The following XIRP2 variants were observed in gnomAD, a reference collection of about 807,000 sequenced individuals.
XIRP2 encodes the protein xin actin binding repeat containing 2.
A neutral mutation model predicts 277.0 loss-of-function variants in XIRP2; 236 were observed. That is an observed-to-expected ratio of 0.85 (90% CI 0.77 to 0.95). The LOEUF is 0.95. XIRP2 is among the 40% of genes least tolerant of loss of function. XIRP2 has a pLI of 0.00. For synonymous variants in XIRP2, 1,490 were observed against 1,416.5 expected (o/e 1.05, Z -1.17); for missense variants, 4,640 against 4,157.5 (o/e 1.12, Z -3.19).
chr2:167,067,088 T>G (rs1395792032), intron 2 of XIRP2, among the ~76,000 whole-genome samples: 2 of 152,084 alleles, frequency 1.3e-5, no homozygotes, highest in Non-Finnish European at 1.5e-5. Context: ...TTTGAAAATT[T>G]AGATATTTTT....
At chr2:166,932,248 C>T (rs1685363021) in intron 2 of XIRP2, among the ~76,000 whole-genome samples, 1 of 150,480 alleles carries the variant, frequency 6.6e-6, no homozygotes, top group Non-Finnish European at 1.5e-5. Flanking sequence ...ACAGTGTCTT[C>T]CTCTGTCTCC....
At chr2:167,063,536 T>G (rs1009303183) in intron 2 of XIRP2, among the ~76,000 whole-genome samples, 66 of 151,946 alleles carry the variant, frequency 4.3e-4, no homozygotes, top group African/African-American at 1.5e-3. Context: ...TATTTCTGTT[T>G]GCATGGGATG....
At position 167,244,534 on chromosome 2, in the gene XIRP2, C is replaced by A; in HGVS notation, c.3142C>A (p.Gln1048Lys). ...TAGAGGAATATCTGCTCAAGAAATACAGACTGGAAATGTGAAATCTGCCAA... is the reference window on the plus strand; with the variant it reads ...TAGAGGAATATCTGCTCAAGAAATAAAGACTGGAAATGTGAAATCTGCCAA... The part of the protein sequence containing the change: ...IIRGISAQEI[Q>K]TGNVKSAKWL... Residue 1048 changes from glutamine to lysine, a missense_variant, in exon 9 of 11, where the codon CAG (glutamine) becomes AAG (lysine). Coordinates refer to ENST00000409195, the MANE Select transcript of XIRP2 (RefSeq NM_152381.6). 2 of 1,613,356 alleles carry A rather than the reference C, an allele frequency of 1.2e-6. No individual in the cohort carries two copies. The highest frequency in any genetic ancestry group is 1.7e-6 in the Non-Finnish European group (2 of 1,179,706).
chr2:167,078,403 T>C (rs1032165654), intron 2 of XIRP2, among the ~76,000 whole-genome samples: 1 of 152,240 alleles, frequency 6.6e-6, no homozygotes, highest in African/African-American at 2.4e-5. Flanking sequence ...TTTAGAATCA[T>C]ATTGTCAATG....
intron 2 of XIRP2, among the ~76,000 whole-genome samples, chr2:167,094,795 T>A (rs1227162643): frequency 2.6e-5 from 4 of 152,224 alleles, no homozygotes; most frequent in Non-Finnish European, 5.9e-5. Context: ...GTCTTGGCAA[T>A]GCGGGCTCTT....
chr2:166,932,900 T>C (rs189163700), intron 2 of XIRP2, among the ~76,000 whole-genome samples: 1 of 152,194 alleles, frequency 6.6e-6, no homozygotes, highest in Non-Finnish European at 1.5e-5. Context: ...TCATTTGGTC[T>C]GTTTGTCCAT....
At chr2:167,118,784 C>G (rs1690970615) in intron 2 of XIRP2, among the ~76,000 whole-genome samples, 1 of 152,028 alleles carries the variant, frequency 6.6e-6, no homozygotes, top group South Asian at 2.1e-4. Flanking sequence ...GCACCACAAA[C>G]AAACAAAGAC....
intron 2 of XIRP2, among the ~76,000 whole-genome samples, chr2:167,040,366 T>A (rs1688630010): frequency 6.6e-6 from 1 of 152,078 alleles, no homozygotes; most frequent in South Asian, 2.1e-4. Flanking sequence ...CTGGGATTGC[T>A]GAGCACAAGG....
intron 2 of XIRP2, among the ~76,000 whole-genome samples, chr2:166,917,177 C>G (rs554804830): frequency 3.3e-5 from 5 of 152,174 alleles, no homozygotes; most frequent in Admixed American, 2.6e-4. Flanking sequence ...CTGACAACAC[C>G]TTCGTCTTGC....
rs1404677184 is a variant in XIRP2 at position 167,243,374 on chromosome 2, G to A, written c.1982G>A (p.Arg661Lys). The stretch of plus-strand genomic sequence containing the variant: ...ACAGCTCGGTGGATGTTTGAAACAA[G>A]GCCATTGGACTCAATGAATAAAATG... ...VCTARWMFETRPLDSMNKMHQ... is the reference protein window; with the variant it reads ...VCTARWMFETKPLDSMNKMHQ... Residue 661 changes from arginine (R) to lysine (K), a missense_variant, in exon 9 of 11, where the codon AGG becomes AAG. Transcript: ENST00000409195. 6.2e-7 allele frequency: 1 copy of A among 1,613,728 alleles called. No individual in the cohort carries two copies. Among genetic ancestry groups the A allele is most frequent in the African/African-American group, 1.3e-5 (1 of 74,830 alleles).
chr2:167,171,233 A>G (rs1460577055), intron 3 of XIRP2, among the ~76,000 whole-genome samples: 2 of 152,146 alleles, frequency 1.3e-5, no homozygotes, highest in Admixed American at 6.6e-5. Flanking sequence ...AGCGCTAAAA[A>G]TGTCTGGCTA....
chr2:166,889,027 C>A (rs1241897090), intron 1 of XIRP2, among the ~76,000 whole-genome samples: 2 of 150,940 alleles, frequency 1.3e-5, no homozygotes, highest in Non-Finnish European at 2.9e-5. Context: ...AAGCCATGAC[C>A]CTCAGGGACC....
chr2:166,951,711 A>T (rs555048860), intron 2 of XIRP2, among the ~76,000 whole-genome samples: 1 of 152,182 alleles, frequency 6.6e-6, no homozygotes, highest in Admixed American at 6.6e-5. Flanking sequence ...CAGAGGTCAA[A>T]GTATGTCATA....
intron 3 of XIRP2, among the ~76,000 whole-genome samples, chr2:167,140,319 C>G (rs1412801960): frequency 6.6e-6 from 1 of 152,178 alleles, no homozygotes; most frequent in East Asian, 1.9e-4. Context: ...CCCCTCAGGT[C>G]AGAAGCAAAC....
At chr2:167,050,246 T>C (rs1688883077) in intron 2 of XIRP2, among the ~76,000 whole-genome samples, 1 of 152,048 alleles carries the variant, frequency 6.6e-6, no homozygotes, top group South Asian at 2.1e-4. Context: ...CTGTTACATA[T>C]AGCTCTGAAT....
At chr2:167,086,713 C>G (rs972703226) in intron 2 of XIRP2, among the ~76,000 whole-genome samples, 2 of 151,552 alleles carry the variant, frequency 1.3e-5, no homozygotes, top group Admixed American at 1.3e-4. Context: ...TTGCTGATAC[C>G]CTTTCTCCCA....
intron 3 of XIRP2, among the ~76,000 whole-genome samples, chr2:167,145,023 C>A (rs1447865464): frequency 6.6e-6 from 1 of 152,154 alleles, no homozygotes; most frequent in Non-Finnish European, 1.5e-5. Flanking sequence ...TATCCTTGTA[C>A]TGCATCAAAA....
intron 2 of XIRP2, among the ~76,000 whole-genome samples, chr2:166,938,153 C>T (rs1386535193): frequency 4.6e-5 from 7 of 152,210 alleles, no homozygotes; most frequent in Admixed American, 6.5e-5. Flanking sequence ...AATGTGTTTG[C>T]TCTTGCTTTT....
Position 167,209,244 on chromosome 2 carries a change from GTC to G in XIRP2, c.563-1487_563-1486del, listed in dbSNP as rs1573960094. On this transcript the variant is annotated intron_variant, in intron 3 of 10. Transcript: ENST00000409195. Reference sequence around the variant, plus strand: ...TATGAAAGTGTTTACTGAATAAGAAGTCTCTATGGAAAACCAAATACTCTAGG... The same window carrying G: ...TATGAAAGTGTTTACTGAATAAGAAGTCTATGGAAAACCAAATACTCTAGG... 4.6e-5 allele frequency among the ~76,000 whole-genome samples: 7 copies of G among 152,288 alleles called. No homozygotes were observed. The South Asian group carries it at 1.4e-3, about 32-fold the overall frequency.
Sources: allele counts gnomAD v4.1 joint callset (sites outside exome capture counted in the v4.1 genomes callset), GRCh38; gene constraint gnomAD v4.1.1; transcripts MANE v1.5; gene names NCBI Gene and HGNC (gene_info 2026-07-23, HGNC 2026-07-21).